ST6GALNAC5: variants seen among roughly 807,000 people sequenced by gnomAD.
ST6GALNAC5 encodes ST6 N-acetylgalactosaminide alpha-2,6-sialyltransferase 5.
ST6GALNAC5 carries 27 observed loss-of-function variants against 33.6 expected under a neutral mutation model. The observed-to-expected ratio is 0.80, with a 90% CI of 0.59 to 1.11. The LOEUF (loss-of-function observed/expected upper bound fraction) is 1.11. Among genes scored for constraint, ST6GALNAC5 ranks in the 50% least tolerant of loss-of-function variants. The pLI, the probability that ST6GALNAC5 is intolerant of heterozygous loss-of-function variation, is 0.00. For missense variants in ST6GALNAC5, 428 were observed against 454.0 expected, an observed-to-expected ratio of 0.94 and a Z score of 0.52; for synonymous variants, 194 against 171.2, an observed-to-expected ratio of 1.13 and a Z score of -1.04.
intron 2 of ST6GALNAC5, among the ~76,000 whole-genome samples, chr1:76,946,698 A>T (rs1647529430): frequency 6.6e-6 from 1 of 152,126 alleles, no homozygotes; most frequent in South Asian, 2.1e-4. Context: ...GTTTAGTTTT[A>T]CCACTTTAAA....
chr1:76,960,934 G>A (rs1041243802), intron 2 of ST6GALNAC5, among the ~76,000 whole-genome samples: 20 of 152,062 alleles, frequency 1.3e-4, no homozygotes, highest in African/African-American at 4.6e-4. Context: ...AGGGTCCTGA[G>A]GCGACATACA....
At chr1:76,948,587 CAGAGAGAGAGAGAGAGAGAG>C (rs60959607) in intron 2 of ST6GALNAC5, among the ~76,000 whole-genome samples, 2 of 129,648 alleles carry the variant, frequency 1.5e-5, no homozygotes, top group African/African-American at 5.8e-5. Flanking sequence ...GGAGTGGGGA[CAGAGAGAGAGAGAGAGAGAG>C]AGAGAGAGAG....
At chr1:76,916,330 A>G (rs75001327) in intron 2 of ST6GALNAC5, among the ~76,000 whole-genome samples, 6,050 of 152,202 alleles carry the variant, frequency 0.04, 204 homozygotes, top group African/African-American at 0.09. Context: ...ACAACCATGC[A>G]TTTACAAAGA....
At chr1:77,006,368 C>A (rs1430025770) in intron 2 of ST6GALNAC5, among the ~76,000 whole-genome samples, 3 of 148,882 alleles carry the variant, frequency 2.0e-5, no homozygotes, top group African/African-American at 7.5e-5. Context: ...CACTCTGTCA[C>A]CCAGGTGTGA....
At chr1:77,025,649 C>T (rs866417460) in intron 2 of ST6GALNAC5, among the ~76,000 whole-genome samples, 3 of 151,990 alleles carry the variant, frequency 2.0e-5, no homozygotes, top group African/African-American at 4.8e-5. Flanking sequence ...GGTGGGGTGA[C>T]CAGTTGGGGG....
chr1:76,935,388 A>G (rs1477512924), intron 2 of ST6GALNAC5, among the ~76,000 whole-genome samples: 1 of 152,178 alleles, frequency 6.6e-6, no homozygotes, highest in East Asian at 1.9e-4. Context: ...CCAAAGACCC[A>G]TAAAACAGTG....
At chr1:76,965,202 G>A (rs1041346089) in intron 2 of ST6GALNAC5, among the ~76,000 whole-genome samples, 1 of 123,952 alleles carries the variant, frequency 8.1e-6, no homozygotes, top group Non-Finnish European at 1.7e-5. Context: ...CGCAATGGTG[G>A]AATTAGTTTA....
chr1:76,983,687 C>T, intron 2 of ST6GALNAC5, among the ~76,000 whole-genome samples: 1 of 152,194 alleles, frequency 6.6e-6, no homozygotes, highest in East Asian at 1.9e-4. Flanking sequence ...GAACTCTCCA[C>T]CCCAAATCAA....
intron 2 of ST6GALNAC5, among the ~76,000 whole-genome samples, chr1:77,009,488 G>T (rs1650551229): frequency 6.6e-6 from 1 of 152,112 alleles, no homozygotes; most frequent in Admixed American, 6.5e-5. Flanking sequence ...GGAGAGCACA[G>T]AGATAAAGAA....
chr1:76,879,055 C>A (rs924251149), intron 2 of ST6GALNAC5, among the ~76,000 whole-genome samples: 1 of 152,104 alleles, frequency 6.6e-6, no homozygotes, highest in South Asian at 2.1e-4. Flanking sequence ...ACAGAGAAGA[C>A]CAATTATAGG....
intron 2 of ST6GALNAC5, among the ~76,000 whole-genome samples, chr1:77,025,740 C>T (rs910772186): frequency 6.6e-6 from 1 of 152,108 alleles, no homozygotes; most frequent in Non-Finnish European, 1.5e-5. Flanking sequence ...CTCACAGCCT[C>T]GTCCACTGTG....
intron 2 of ST6GALNAC5, among the ~76,000 whole-genome samples, chr1:76,983,011 G>A (rs1295803713): frequency 1.3e-5 from 2 of 151,952 alleles, no homozygotes; most frequent in East Asian, 2.0e-4. Context: ...CCTGAAGGAG[G>A]CACTAAACAT....
At chr1:77,055,056 T>G (rs112111570) in intron 4 of ST6GALNAC5, among the ~76,000 whole-genome samples, 2 of 151,872 alleles carry the variant, frequency 1.3e-5, no homozygotes, top group African/African-American at 4.8e-5. Context: ...TCTCCATCAC[T>G]TGTCTTCTTC....
chr1:76,917,383 T>G (rs560897090), intron 2 of ST6GALNAC5, among the ~76,000 whole-genome samples: 1 of 152,248 alleles, frequency 6.6e-6, no homozygotes, highest in African/African-American at 2.4e-5. Context: ...GGCTAAATAT[T>G]GTCAACAGTG....
intron 2 of ST6GALNAC5, among the ~76,000 whole-genome samples, chr1:76,916,141 A>G (rs952396914): frequency 1.3e-5 from 2 of 152,076 alleles, no homozygotes; most frequent in African/African-American, 4.8e-5. Flanking sequence ...CCAAATTTTG[A>G]TTGAAAGCAC....
intron 2 of ST6GALNAC5, among the ~76,000 whole-genome samples, chr1:76,936,092 A>C (rs1160599261): frequency 6.6e-6 from 1 of 152,068 alleles, no homozygotes; most frequent in Non-Finnish European, 1.5e-5. Flanking sequence ...CTTCTGCAGA[A>C]GTAAAAATAT....
chr1:76,966,165 G>A (rs1472983137), intron 2 of ST6GALNAC5, among the ~76,000 whole-genome samples: 1 of 152,106 alleles, frequency 6.6e-6, no homozygotes, highest in Non-Finnish European at 1.5e-5. Flanking sequence ...TAATGGGGAT[G>A]GCATTGAATC....
intron 2 of ST6GALNAC5, among the ~76,000 whole-genome samples, chr1:77,004,727 C>T (rs1456745962): frequency 1.6e-5 from 2 of 121,590 alleles, no homozygotes; most frequent in Non-Finnish European, 3.9e-5. Flanking sequence ...CCCTCAGCTG[C>T]AGGTCTGTTG....
At chr1:77,004,137 C>T (rs1274658385) in intron 2 of ST6GALNAC5, among the ~76,000 whole-genome samples, 7 of 151,668 alleles carry the variant, frequency 4.6e-5, no homozygotes, top group South Asian at 2.1e-4. Context: ...ACCAATCAGA[C>T]GTAGATTTGG....
Sources: gnomAD v4.1 joint callset for allele counts (sites outside exome capture counted in the v4.1 genomes callset) on GRCh38, gnomAD v4.1.1 for gene constraint, MANE v1.5 for transcripts, NCBI Gene and HGNC (gene_info 2026-07-23, HGNC 2026-07-21) for gene names.